The following ASXL3 variants were observed in gnomAD, a reference collection of about 807,000 sequenced individuals.
ASXL3 encodes the protein ASXL transcriptional regulator 3.
Under a neutral mutation model 170.6 loss-of-function variants are expected in ASXL3, and 34 were observed. The ratio of observed to expected loss-of-function variants is 0.20; its 90% confidence interval spans 0.15 to 0.27. ASXL3 has a LOEUF of 0.27. ASXL3 is among the 10% of genes least tolerant of loss of function. The probability of loss-of-function intolerance (pLI) is 1.00; values close to 1 mark genes in which losing one functional copy is unlikely to be tolerated. For missense variants in ASXL3, 2,592 were observed against 2,695.3 expected, an observed-to-expected ratio of 0.96 and a Z score of 0.85; for synonymous variants, 1,002 against 989.1, an observed-to-expected ratio of 1.01 and a Z score of -0.24.
At chr18:33,609,526 G>C (rs1028460232) in intron 2 of ASXL3, among the ~76,000 whole-genome samples, 17 of 151,840 alleles carry the variant, frequency 1.1e-4, no homozygotes, top group Non-Finnish European at 2.2e-4. Context: ...TCAAAATGCT[G>C]GTCCTCCCAG....
In ASXL3 at chr18:33,748,045, G is replaced by A. The variant is rs2067824843; in HGVS notation, c.*1450G>A. ...AACCAACCATGCCCATTTAACTTCA[G>A]ATTACAGAGCACAAAATGTGGAGTG... On this transcript the variant is annotated 3_prime_UTR_variant, in exon 12 of 12. Transcript: ENST00000269197. The A allele has an allele frequency of 6.6e-6, 1 of 152,032 alleles. No individual in the cohort carries two copies. Among genetic ancestry groups the A allele is most frequent in the African/African-American group, 2.4e-5 (1 of 41,410 alleles). The allele number at this position is 152,032 out of a possible 1,614,324, so 9.4% of individuals were successfully genotyped here.
rs138807553 is a variant in ASXL3, at chr18:33,625,004, C to G, written c.137+17328C>G. 9.9e-5 allele frequency among the ~76,000 whole-genome samples: 15 copies of G among 152,236 alleles called. No individual in the cohort carries two copies. The East Asian group carries it at 2.9e-3, about 29-fold the overall frequency. Reference sequence around the variant, plus strand: ...TTCTTGTAAATTGCACATACATACACTAATGCTTTAGCCTCTGTTGGTTAT... The same window carrying G: ...TTCTTGTAAATTGCACATACATACAGTAATGCTTTAGCCTCTGTTGGTTAT... On this transcript the variant is annotated intron_variant, in intron 2 of 11. Coordinates refer to ENST00000269197, the MANE Select transcript of ASXL3 (RefSeq NM_030632.3).
In ASXL3 at chr18:33,746,090, C is replaced by T. The variant is rs200327794; in HGVS notation, c.6242C>T (p.Ser2081Leu). ...ACGGGCATATGTAGCAATATAAAAT[C>T]GGAACCTCTTTCTTTTGAGGAAGGT... ...QSTGICSNIK[S>L]EPLSFEEGLS... Residue 2081 changes from serine (S) to leucine (L), a missense_variant, in exon 12 of 12, where the codon TCG (serine) becomes TTG (leucine). By Grantham distance (145) the Ser-to-Leu change is moderately radical. Around this residue, in one of 4 missense-constraint regions of ASXL3, gnomAD observed 2,246 missense variants for 2,219.6 expected, o/e 1.01. Transcript: ENST00000269197. 1.2e-5 allele frequency: 20 copies of T among 1,613,518 alleles called. No homozygotes were observed. The East Asian group carries it at 1.6e-4, about 13-fold the overall frequency.
intron 2 of ASXL3, among the ~76,000 whole-genome samples, chr18:33,635,737 A>G (rs1049214483): frequency 3.3e-5 from 5 of 152,204 alleles, no homozygotes; most frequent in African/African-American, 1.2e-4. Flanking sequence ...GTATGCAAAT[A>G]TAAGATGGCC....
chr18:33,729,710 A>G (rs2067411480), intron 8 of ASXL3, among the ~76,000 whole-genome samples: 1 of 152,082 alleles, frequency 6.6e-6, no homozygotes, highest in African/African-American at 2.4e-5. Context: ...GGTTTTAAGG[A>G]TGTTGTAGCT....
intron 5 of ASXL3, among the ~76,000 whole-genome samples, chr18:33,662,541 T>C (rs2066190533): frequency 6.6e-6 from 1 of 152,162 alleles, no homozygotes. Flanking sequence ...TGGCAAATGC[T>C]AAATTGTGCA....
chr18:33,707,656 T>C (rs1568339977), intron 8 of ASXL3, among the ~76,000 whole-genome samples: 1 of 152,050 alleles, frequency 6.6e-6, no homozygotes, highest in Non-Finnish European at 1.5e-5. Context: ...TTTAAATGCT[T>C]ATACCTTTCT....
At chr18:33,657,411 T>A (rs2066101387) in intron 4 of ASXL3, among the ~76,000 whole-genome samples, 1 of 152,084 alleles carries the variant, frequency 6.6e-6, no homozygotes, top group South Asian at 2.1e-4. Flanking sequence ...CTCCTTTCTG[T>A]ATATCCTGGG....
chr18:33,683,097 G>A (rs1475560735), intron 7 of ASXL3, among the ~76,000 whole-genome samples: 12 of 152,104 alleles, frequency 7.9e-5, no homozygotes, highest in Admixed American at 7.2e-4. Context: ...TTTTGAAAAT[G>A]CTGATTAATT....
At chr18:33,588,319 C>T (rs2065050561) in intron 1 of ASXL3, among the ~76,000 whole-genome samples, 1 of 150,368 alleles carries the variant, frequency 6.7e-6, no homozygotes, top group Non-Finnish European at 1.5e-5. Context: ...CTGCAAGCAA[C>T]AGAACACAAC....
rs1489075050 is a variant in ASXL3 at position 33,607,680 on chromosome 18, A to G, written c.137+4A>G. ...AAGAAGGGTTAAAAGAAACAAGGTCAGTATCCATATTTAAAACATTTTCTG... is the reference window on the plus strand; with the variant it reads ...AAGAAGGGTTAAAAGAAACAAGGTCGGTATCCATATTTAAAACATTTTCTG... On this transcript the variant is annotated splice_donor_region_variant and intron_variant, in intron 2 of 11. Transcript: ENST00000269197. 1 of 1,562,360 alleles carries G rather than the reference A, an allele frequency of 6.4e-7. No homozygotes were observed.
intron 1 of ASXL3, among the ~76,000 whole-genome samples, chr18:33,586,377 A>T (rs1254933773): frequency 6.6e-6 from 1 of 151,130 alleles, no homozygotes; most frequent in Non-Finnish European, 1.5e-5. Flanking sequence ...CCTTATTTTA[A>T]CAAGTATATA....
chr18:33,580,955 G>T (rs2064986303), intron 1 of ASXL3, among the ~76,000 whole-genome samples: 1 of 152,102 alleles, frequency 6.6e-6, no homozygotes, highest in Non-Finnish European at 1.5e-5. Flanking sequence ...ATAATTTTCA[G>T]AAATTTATGA....
chr18:33,634,358 A>G (rs2065734428), intron 2 of ASXL3, among the ~76,000 whole-genome samples: 1 of 151,974 alleles, frequency 6.6e-6, no homozygotes, highest in African/African-American at 2.4e-5. Context: ...AAGTCTAACA[A>G]AAAGCTGAAG....
At chr18:33,660,988 C>T (rs2066164715) in intron 4 of ASXL3, among the ~76,000 whole-genome samples, 1 of 152,100 alleles carries the variant, frequency 6.6e-6, no homozygotes, top group African/African-American at 2.4e-5. Context: ...AACATGCAAG[C>T]CTGACTCTGA....
Position 33,744,410 on chromosome 18 carries a change from T to A in ASXL3, c.4562T>A (p.Val1521Glu). The A allele has an allele frequency of 2.5e-6, 4 of 1,613,872 alleles. No homozygotes were observed. Among genetic ancestry groups the A allele is most frequent in the Non-Finnish European group, 3.4e-6 (4 of 1,179,832 alleles). Residue 1521 changes from valine to glutamate, a missense_variant, in exon 12 of 12, where the codon GTG (valine) becomes GAG (glutamate). By Grantham distance (121) the Val-to-Glu change is moderately radical. Transcript: ENST00000269197. ...VQPVACPQVS[V>E]ISRPEPVANE... ...CCCGTGGCGTGTCCTCAGGTGTCTG[T>A]GATTAGCAGGCCTGAGCCAGTTGCC...
intron 1 of ASXL3, 108 bp from the exon 2 acceptor site, chr18:33,607,486 A>G (rs2065267459): frequency 1.1e-6 from 1 of 910,444 alleles, no homozygotes; most frequent in East Asian, 2.7e-5. Context: ...TTTTGATGTA[A>G]AAGCCCCTTC....
intron 9 of ASXL3, 70 bp from the exon 10 acceptor site, chr18:33,734,240 A>T: frequency 9.7e-7 from 1 of 1,027,544 alleles, no homozygotes; most frequent in South Asian, 1.9e-5. Context: ...CAAATGAATT[A>T]CATGTTTTCT....
At chr18:33,734,270 G>A (rs1439176610) in intron 9 of ASXL3, 40 bp from the exon 10 acceptor site, 2 of 1,380,846 alleles carry the variant, frequency 1.4e-6, no homozygotes, top group Non-Finnish European at 2.0e-6. Context: ...AGCAAAAGAT[G>A]TGACCACATT....
Sources: allele counts gnomAD v4.1 joint callset (sites outside exome capture counted in the v4.1 genomes callset), GRCh38; gene constraint gnomAD v4.1.1; regional missense constraint gnomAD v4.1.1; transcripts MANE v1.5; gene names NCBI Gene and HGNC (gene_info 2026-07-23, HGNC 2026-07-21).